SLC16A10: variants seen among roughly 807,000 people sequenced by gnomAD.
SLC16A10 encodes monocarboxylate transporter 10.
In SLC16A10, 27 loss-of-function variants were observed where a neutral mutation model predicts 40.0. The ratio of observed to expected loss-of-function variants is 0.67; its 90% CI spans 0.50 to 0.93. The LOEUF (loss-of-function observed/expected upper bound fraction) is 0.93, where lower values mean the gene tolerates loss of function less well. SLC16A10 is among the 40% of genes least tolerant of loss of function. The pLI is 0.00. For missense variants in SLC16A10, 529 were observed against 658.2 expected, an observed-to-expected ratio of 0.80 and a Z score of 2.15; for synonymous variants, 213 against 249.8, an observed-to-expected ratio of 0.85 and a Z score of 1.39.
intron 1 of SLC16A10, among the ~76,000 whole-genome samples, chr6:111,127,797 CAG>C (rs1005774471): frequency 6.6e-6 from 1 of 152,044 alleles, no homozygotes; most frequent in Non-Finnish European, 1.5e-5. Context: ...AGGGTGGAAA[CAG>C]AGTAGAGGGA....
rs373786709 is a variant in SLC16A10 at position 111,174,754 on chromosome 6, T to C, written c.488+1915T>C. ...CTTGCCGAATGTATTACAACTCTAG[T>C]TGTGGTAGAGAGGGGACTGAGAGGT... On this transcript the variant is annotated intron_variant, in intron 2 of 5. Transcript: ENST00000368851. 3.0e-4 allele frequency among the ~76,000 whole-genome samples: 45 copies of C among 152,304 alleles called. No homozygotes were observed. The East Asian group carries it at 6.9e-3, about 23-fold the overall frequency.
chr6:111,193,960 A>G (rs1341083960), intron 3 of SLC16A10, among the ~76,000 whole-genome samples: 1 of 152,214 alleles, frequency 6.6e-6, no homozygotes, highest in Non-Finnish European at 1.5e-5. Context: ...TTGTGTGGGA[A>G]GTGTCCTAAC....
chr6:111,156,868 C>T (rs953787394), intron 1 of SLC16A10, among the ~76,000 whole-genome samples: 1 of 152,174 alleles, frequency 6.6e-6, no homozygotes, highest in Non-Finnish European at 1.5e-5. Flanking sequence ...ACTCCCTGTA[C>T]TGTTCACAAT....
At chr6:111,089,944 T>C (rs1158966262) in intron 1 of SLC16A10, among the ~76,000 whole-genome samples, 10 of 133,840 alleles carry the variant, frequency 7.5e-5, no homozygotes, top group Non-Finnish European at 1.4e-4. Flanking sequence ...TTTTTTTTTT[T>C]TTGAGAGAGA....
At chr6:111,198,345 G>GT (rs1275556460) in intron 3 of SLC16A10, among the ~76,000 whole-genome samples, 1 of 152,192 alleles carries the variant, frequency 6.6e-6, no homozygotes. Context: ...CTAGCCTTTT[G>GT]TTGGGTGCAT....
chr6:111,143,246 A>G (rs1583325369), intron 1 of SLC16A10, among the ~76,000 whole-genome samples: 1 of 146,576 alleles, frequency 6.8e-6, no homozygotes, highest in South Asian at 2.2e-4. Flanking sequence ...CACCTGGCTA[A>G]TTTTTTTTTT....
At chr6:111,171,695 G>A (rs1772588612) in intron 1 of SLC16A10, among the ~76,000 whole-genome samples, 1 of 151,778 alleles carries the variant, frequency 6.6e-6, no homozygotes, top group East Asian at 1.9e-4. Flanking sequence ...GCACACCTGT[G>A]GTTCTAGCTA....
intron 1 of SLC16A10, among the ~76,000 whole-genome samples, chr6:111,161,712 T>G (rs1772375790): frequency 6.6e-6 from 1 of 151,956 alleles, no homozygotes; most frequent in Non-Finnish European, 1.5e-5. Context: ...CAAAACAAAA[T>G]AAGGGGGTAA....
At chr6:111,158,542 C>A (rs1419236555) in intron 1 of SLC16A10, among the ~76,000 whole-genome samples, 1 of 152,188 alleles carries the variant, frequency 6.6e-6, no homozygotes, top group Non-Finnish European at 1.5e-5. Flanking sequence ...GCTGATCCGA[C>A]AGGAGGTGGA....
intron 1 of SLC16A10, among the ~76,000 whole-genome samples, chr6:111,093,495 G>A (rs1337246124): frequency 1.3e-5 from 2 of 152,106 alleles, no homozygotes; most frequent in Non-Finnish European, 2.9e-5. Context: ...CCCACACCAA[G>A]TTTTCACATT....
At chr6:111,128,095 G>T (rs1329677907) in intron 1 of SLC16A10, among the ~76,000 whole-genome samples, 1 of 152,110 alleles carries the variant, frequency 6.6e-6, no homozygotes, top group Non-Finnish European at 1.5e-5. Flanking sequence ...TGATACCCTT[G>T]AATTTTCTTC....
At chr6:111,208,442 G>A (rs879307761) in intron 4 of SLC16A10, among the ~76,000 whole-genome samples, 1 of 152,168 alleles carries the variant, frequency 6.6e-6, no homozygotes, top group Non-Finnish European at 1.5e-5. Context: ...TCCAGGCATG[G>A]TGGCACATTC....
chr6:111,143,964 A>G (rs1772029785), intron 1 of SLC16A10, among the ~76,000 whole-genome samples: 1 of 152,128 alleles, frequency 6.6e-6, no homozygotes, highest in South Asian at 2.1e-4. Context: ...TCTCTACAAA[A>G]ATAAGGAAAC....
intron 3 of SLC16A10, among the ~76,000 whole-genome samples, chr6:111,180,009 A>G (rs545834561): frequency 6.6e-6 from 1 of 152,356 alleles, no homozygotes; most frequent in South Asian, 2.1e-4. Flanking sequence ...CCTTCAAAAG[A>G]CTAGTAAAGT....
intron 3 of SLC16A10, among the ~76,000 whole-genome samples, chr6:111,182,409 A>C (rs1772815325): frequency 7.4e-6 from 1 of 135,868 alleles, no homozygotes; most frequent in Admixed American, 8.6e-5. Context: ...GCCTACCTCC[A>C]CATCACTCCT....
intron 1 of SLC16A10, among the ~76,000 whole-genome samples, chr6:111,157,855 A>G (rs1438706933): frequency 6.6e-6 from 1 of 151,978 alleles, no homozygotes; most frequent in Non-Finnish European, 1.5e-5. Flanking sequence ...ATGTAGGTAA[A>G]TATTTCAGAG....
At chr6:111,113,529 T>A (rs756323727) in intron 1 of SLC16A10, among the ~76,000 whole-genome samples, 82 of 152,172 alleles carry the variant, frequency 5.4e-4, no homozygotes, top group Admixed American at 9.2e-4. Context: ...GGGGTTTCAT[T>A]TGAGGAACCA....
chr6:111,089,655 A>G (rs1442120181), intron 1 of SLC16A10, among the ~76,000 whole-genome samples: 1 of 152,208 alleles, frequency 6.6e-6, no homozygotes, highest in African/African-American at 2.4e-5. Context: ...AAAGTTTAGC[A>G]GGGGAGATAT....
intron 1 of SLC16A10, among the ~76,000 whole-genome samples, chr6:111,162,957 A>G (rs554452018): frequency 8.5e-5 from 13 of 152,116 alleles, no homozygotes; most frequent in Admixed American, 8.5e-4. Flanking sequence ...CACAATCTCC[A>G]AAGTTATCAG....
Sources: gnomAD v4.1 joint callset for allele counts (sites outside exome capture counted in the v4.1 genomes callset) on GRCh38, gnomAD v4.1.1 for gene constraint, MANE v1.5 for transcripts, NCBI Gene and HGNC (gene_info 2026-07-23, HGNC 2026-07-21) for gene names.